The following AKAP19 variants were observed in gnomAD, a reference collection of about 807,000 sequenced individuals.
AKAP19 encodes the protein A-kinase anchoring protein 19, also known as small A-kinase anchoring protein.
At chr2:190,051,253 T>C in the AKAP19 span, among the ~76,000 whole-genome samples, 7 of 152,360 alleles carry the variant, frequency 4.6e-5, no homozygotes, top group African/African-American at 1.4e-4. Context: ...GTCATACTCA[T>C]GGGTCTTGTC....
At chr2:190,120,223 T>C in the AKAP19 span, among the ~76,000 whole-genome samples, 1 of 152,136 alleles carries the variant, frequency 6.6e-6, no homozygotes, top group Non-Finnish European at 1.5e-5. Flanking sequence ...ATGGGAGGGA[T>C]CCAGGTTTCG....
At chr2:189,994,647 G>A in the AKAP19 span, among the ~76,000 whole-genome samples, 1 of 151,816 alleles carries the variant, frequency 6.6e-6, no homozygotes, top group Non-Finnish European at 1.5e-5. Flanking sequence ...CACCCAAGCT[G>A]GAGTACAGTG....
chr2:190,081,418 C>A, the AKAP19 span, among the ~76,000 whole-genome samples: 571 of 152,260 alleles, frequency 3.8e-3, 4 homozygotes, highest in African/African-American at 0.013. Flanking sequence ...CCCAGAGGAA[C>A]TTAGTTCCAG....
the AKAP19 span, among the ~76,000 whole-genome samples, chr2:189,885,627 T>A: frequency 6.6e-6 from 1 of 152,158 alleles, no homozygotes; most frequent in Non-Finnish European, 1.5e-5. Context: ...GCAGAACACT[T>A]ACATTATGCT....
chr2:190,187,092 G>A, the AKAP19 span, among the ~76,000 whole-genome samples: 2 of 152,204 alleles, frequency 1.3e-5, no homozygotes, highest in East Asian at 1.9e-4. Context: ...TGCCCACCTC[G>A]AGTTATGTTT....
the AKAP19 span, among the ~76,000 whole-genome samples, chr2:190,148,526 G>T: frequency 6.6e-6 from 1 of 152,206 alleles, no homozygotes; most frequent in Non-Finnish European, 1.5e-5. Flanking sequence ...TTCATAAAAT[G>T]AATTAGGGAG....
At chr2:190,015,838 A>G in the AKAP19 span, among the ~76,000 whole-genome samples, 1 of 152,138 alleles carries the variant, frequency 6.6e-6, no homozygotes, top group African/African-American at 2.4e-5. Flanking sequence ...AGATACCCTA[A>G]ATCATCTCTC....
At chr2:189,906,629 G>A in the AKAP19 span, among the ~76,000 whole-genome samples, 1 of 152,042 alleles carries the variant, frequency 6.6e-6, no homozygotes, top group Admixed American at 6.6e-5. Flanking sequence ...ATTACCCCAT[G>A]TTTTAAAAAT....
chr2:190,084,513 A>G, the AKAP19 span, among the ~76,000 whole-genome samples: 4 of 152,092 alleles, frequency 2.6e-5, no homozygotes, highest in East Asian at 5.8e-4. Context: ...CTTATTGACT[A>G]TTTTTTTGAG....
the AKAP19 span, among the ~76,000 whole-genome samples, chr2:190,111,843 A>G: frequency 2.6e-5 from 4 of 152,182 alleles, no homozygotes; most frequent in African/African-American, 7.2e-5. Context: ...CACACATTAT[A>G]TACTTTGTTT....
At chr2:190,064,939 A>T in the AKAP19 span, among the ~76,000 whole-genome samples, 1 of 152,270 alleles carries the variant, frequency 6.6e-6, no homozygotes, top group Non-Finnish European at 1.5e-5. Context: ...ACTTGCTAAA[A>T]TTTATCTATG....
the AKAP19 span, among the ~76,000 whole-genome samples, chr2:190,061,092 T>A: frequency 6.6e-6 from 1 of 152,066 alleles, no homozygotes; most frequent in Non-Finnish European, 1.5e-5. Flanking sequence ...GCACTAACAA[T>A]TTCTTTTATT....
At chr2:190,202,795 GA>G in the AKAP19 span, 1 of 167,006 alleles carries the variant, frequency 6.0e-6, no homozygotes, top group Non-Finnish European at 1.5e-5. Context: ...GGTTATCAGA[GA>G]AAATAAATGT....
At chr2:190,104,430 C>T in the AKAP19 span, among the ~76,000 whole-genome samples, 1 of 152,182 alleles carries the variant, frequency 6.6e-6, no homozygotes, top group Non-Finnish European at 1.5e-5. Flanking sequence ...TATTCACAAA[C>T]TATGCATCAG....
chr2:189,932,677 G>T, the AKAP19 span, among the ~76,000 whole-genome samples: 1 of 147,756 alleles, frequency 6.8e-6, no homozygotes, highest in South Asian at 2.1e-4. Flanking sequence ...CTATACTCCA[G>T]CCTGTGCAAC....
the AKAP19 span, among the ~76,000 whole-genome samples, chr2:190,005,686 C>G: frequency 1.3e-5 from 2 of 152,184 alleles, no homozygotes; most frequent in South Asian, 4.1e-4. Flanking sequence ...TTCTTTTCCT[C>G]TAAGTTAGGA....
the AKAP19 span, among the ~76,000 whole-genome samples, chr2:190,167,876 G>A: frequency 6.6e-6 from 1 of 152,202 alleles, no homozygotes; most frequent in Non-Finnish European, 1.5e-5. Context: ...AGTGTATGTG[G>A]CTTTTCCAGG....
At chr2:190,122,718 GT>G in the AKAP19 span, among the ~76,000 whole-genome samples, 1 of 151,694 alleles carries the variant, frequency 6.6e-6, no homozygotes, top group Admixed American at 6.6e-5. Context: ...ATTTATTACA[GT>G]TTCACATTGC....
the AKAP19 span, among the ~76,000 whole-genome samples, chr2:190,113,174 A>C: frequency 6.6e-6 from 1 of 151,988 alleles, no homozygotes; most frequent in South Asian, 2.1e-4. Context: ...TTGTTTATTC[A>C]CACCTTCCTT....
Sources: allele counts gnomAD v4.1 joint callset (sites outside exome capture counted in the v4.1 genomes callset), GRCh38; gene constraint gnomAD v4.1.1; transcripts MANE v1.5; gene names NCBI Gene and HGNC (gene_info 2026-07-23, HGNC 2026-07-21).